The following FUBP3 variants were observed in gnomAD, a reference collection of about 807,000 sequenced individuals.
The protein encoded by FUBP3 is far upstream element binding protein 3, also known as far upstream element-binding protein 3.
Under a neutral mutation model 85.6 loss-of-function variants are expected in FUBP3, and 28 were observed. The ratio of observed to expected loss-of-function variants is 0.33; its 90% CI spans 0.24 to 0.45. The LOEUF is 0.45. Ranked by LOEUF, FUBP3 falls within the 20% of genes least tolerant of loss-of-function variation. FUBP3 has a pLI of 1.00. For synonymous variants in FUBP3, 271 were observed against 271.4 expected (o/e 1.00, Z 0.01); for missense variants, 583 against 755.1 (o/e 0.77, Z 2.67).
Position 130,579,628 on chromosome 9 carries a change from GAGCGGCGGCGTCGGCGGCGTCGGC to G in FUBP3, c.-52_-29del. ...GAGCGGGAGGCCGGACCGGGGAGCC[GAGCGGCGGCGTCGGCGGCGTCGGC>G]GGCGGCGGCGACGGCGGCGGGGGCG... On this transcript the variant is annotated 5_prime_UTR_variant, in exon 1 of 19. Coordinates refer to ENST00000319725, the MANE Select transcript of FUBP3 (RefSeq NM_003934.2). 1 of 1,119,568 alleles carries G rather than the reference GAGCGGCGGCGTCGGCGGCGTCGGC, an allele frequency of 8.9e-7. No individual in the cohort carries two copies. The highest frequency in any genetic ancestry group is 1.1e-6 in the Non-Finnish European group (1 of 884,918). The allele number at this position is 1,119,568 out of a possible 1,614,324, so 69.4% of individuals were successfully genotyped here.
intron 16 of FUBP3, 102 bp from the exon 17 acceptor site, chr9:130,634,565 G>A: frequency 1.2e-6 from 1 of 867,562 alleles, no homozygotes; most frequent in Non-Finnish European, 1.8e-6. Context: ...GTGTGGCCAG[G>A]AGCGAGGTGG....
rs775519470 is a variant in FUBP3, at chr9:130,612,422, C to G, written c.225-34C>G. 1 of 1,396,880 alleles carries G rather than the reference C, an allele frequency of 7.2e-7. No homozygotes were observed. The highest frequency in any genetic ancestry group is 2.3e-5 in the East Asian group (1 of 43,902). 86.5% of individuals were successfully genotyped at this position (1,396,880 alleles called of 1,614,324 possible). Reference sequence around the variant, plus strand: ...TAAAATGGCTGCAAAAGTCTGTATTCTGTATTTTTTTCCAAAATGTTCTTT... The same window carrying G: ...TAAAATGGCTGCAAAAGTCTGTATTGTGTATTTTTTTCCAAAATGTTCTTT... On this transcript the variant is annotated intron_variant, in intron 3 of 18. Coordinates refer to ENST00000319725, the MANE Select transcript of FUBP3 (RefSeq NM_003934.2). The surrounding 1 kb of genome is among the most constrained non-coding windows in gnomAD (Gnocchi z 4.1).
Position 130,631,668 on chromosome 9 carries a change from C to T in FUBP3, c.1352+38C>T, listed in dbSNP as rs995369405. ...CATCAGTCTTGCCTGGGAGAATTCA[C>T]TCGCTCCCCAGAGATCCCCTGTCGT... On this transcript the variant is annotated intron_variant, in intron 14 of 18. Coordinates refer to ENST00000319725, the MANE Select transcript of FUBP3 (RefSeq NM_003934.2). 8 of 1,493,622 alleles carry T rather than the reference C, an allele frequency of 5.4e-6. No homozygotes were observed. In the East Asian group the frequency reaches 1.8e-4, roughly 34 times the overall value. The allele number at this position is 1,493,622 out of a possible 1,614,324, so 92.5% of individuals were successfully genotyped here.
intron 9 of FUBP3, among the ~76,000 whole-genome samples, chr9:130,621,837 G>A (rs12353037): frequency 0.074 from 11,195 of 151,772 alleles, 826 homozygotes; most frequent in East Asian, 0.19. Flanking sequence ...CCTGGGAGGC[G>A]GTGCTTGCAG....
At chr9:130,625,388 A>G (rs773397518) in intron 11 of FUBP3, among the ~76,000 whole-genome samples, 3 of 152,192 alleles carry the variant, frequency 2.0e-5, no homozygotes, top group Non-Finnish European at 4.4e-5. Flanking sequence ...AGTGCGGGGG[A>G]AAAGCACTCC....
chr9:130,607,830 A>G (rs10901226), intron 2 of FUBP3, among the ~76,000 whole-genome samples: 30,100 of 152,178 alleles, frequency 0.2, 4,916 homozygotes, highest in African/African-American at 0.45. Context: ...CTGCCAGCTC[A>G]GAGTTGACTC....
chr9:130,632,086 C>CT, intron 15 of FUBP3, 64 bp downstream of exon 15: 1 of 1,490,148 alleles, frequency 6.7e-7, no homozygotes, highest in Non-Finnish European at 9.4e-7. Context: ...TGGCTATTGC[C>CT]GACAGGCAAG....
At chr9:130,592,663 C>T (rs986555344) in intron 1 of FUBP3, among the ~76,000 whole-genome samples, 1 of 151,850 alleles carries the variant, frequency 6.6e-6, no homozygotes, top group Non-Finnish European at 1.5e-5. Flanking sequence ...CCTGCCTCAG[C>T]CTCCTGAGTA....
At chr9:130,633,765 T>C (rs1447133607) in intron 16 of FUBP3, among the ~76,000 whole-genome samples, 4 of 152,070 alleles carry the variant, frequency 2.6e-5, no homozygotes, top group Non-Finnish European at 5.9e-5. Flanking sequence ...AAGCGGGGCG[T>C]CTCCTTCCCT....
At chr9:130,606,397 C>A (rs959564348) in intron 2 of FUBP3, among the ~76,000 whole-genome samples, 2 of 151,920 alleles carry the variant, frequency 1.3e-5, no homozygotes, top group Admixed American at 6.5e-5. Flanking sequence ...CACCCCCCCC[C>A]AACAGACTCA....
rs189650858 is a variant in FUBP3, at chr9:130,618,237, G to A, written c.666+342G>A. Among the ~76,000 whole-genome samples the A allele has an allele frequency of 3.9e-5, 6 of 152,294 alleles. No individual in the cohort carries two copies. In the East Asian group the frequency reaches 1.2e-3, roughly 29 times the overall value. ...ATTTCCGAGCTCTTGCTGGTGGCACGGCTCAGGACAGTTGGTTTTTTGTTT... is the reference window on the plus strand; with the variant it reads ...ATTTCCGAGCTCTTGCTGGTGGCACAGCTCAGGACAGTTGGTTTTTTGTTT... On this transcript the variant is annotated intron_variant, in intron 8 of 18. Coordinates refer to ENST00000319725, the MANE Select transcript of FUBP3 (RefSeq NM_003934.2).
intron 12 of FUBP3, among the ~76,000 whole-genome samples, chr9:130,629,556 C>T (rs1038169803): frequency 2.0e-5 from 3 of 152,092 alleles, no homozygotes; most frequent in African/African-American, 7.2e-5. Flanking sequence ...CCTACTGGCC[C>T]GATAGGCTGT....
intron 10 of FUBP3, 134 bp from the exon 11 acceptor site, chr9:130,623,477 T>C: frequency 1.6e-6 from 1 of 639,552 alleles, no homozygotes; most frequent in South Asian, 1.8e-5. Flanking sequence ...TCCAAAAGAG[T>C]CCCTGCAGCT....
chr9:130,623,952 C>A (rs545676042), intron 11 of FUBP3, among the ~76,000 whole-genome samples: 1 of 152,258 alleles, frequency 6.6e-6, no homozygotes, highest in Non-Finnish European at 1.5e-5. Flanking sequence ...AAGTTTCTGG[C>A]TATTTAAACC....
intron 2 of FUBP3, among the ~76,000 whole-genome samples, chr9:130,607,279 C>CTT (rs879356941): frequency 3.5e-5 from 5 of 141,538 alleles, no homozygotes; most frequent in African/African-American, 5.2e-5. Context: ...ACCTGACCTC[C>CTT]TTTTTTTTTT....
intron 2 of FUBP3, among the ~76,000 whole-genome samples, chr9:130,607,294 T>A (rs1831508837): frequency 2.0e-5 from 3 of 151,700 alleles, no homozygotes; most frequent in South Asian, 2.1e-4. Flanking sequence ...TTTTTTTTTT[T>A]AAGATTATTA....
chr9:130,631,424 G>A, intron 13 of FUBP3, 133 bp from the exon 14 acceptor site: 1 of 1,252,226 alleles, frequency 8.0e-7, no homozygotes, highest in South Asian at 1.5e-5. Flanking sequence ...GAAGGCTAGT[G>A]TGAGTGCGTA....
intron 2 of FUBP3, among the ~76,000 whole-genome samples, chr9:130,604,457 C>A (rs1385936954): frequency 6.6e-6 from 1 of 152,168 alleles, no homozygotes; most frequent in African/African-American, 2.4e-5. Context: ...AGGTTTGAAT[C>A]CCAGCTTTGC....
At chr9:130,593,384 T>C (rs536879252) in intron 1 of FUBP3, among the ~76,000 whole-genome samples, 1 of 152,354 alleles carries the variant, frequency 6.6e-6, no homozygotes, top group South Asian at 2.1e-4. Flanking sequence ...CAGTAGGTAC[T>C]TAACATTTGT....
Sources: gnomAD v4.1 joint callset for allele counts (sites outside exome capture counted in the v4.1 genomes callset) on GRCh38, gnomAD v4.1.1 for gene constraint, Gnocchi (gnomAD v3.1) non-coding constraint, MANE v1.5 for transcripts, NCBI Gene and HGNC (gene_info 2026-07-23, HGNC 2026-07-21) for gene names.